Variants in DLGAP2 observed in about 807,000 individuals in gnomAD.
The protein encoded by DLGAP2 is DLG associated protein 2, also known as disks large-associated protein 2.
A neutral mutation model predicts 100.3 loss-of-function variants in DLGAP2; 26 were observed. That is an observed-to-expected ratio of 0.26 (90% CI 0.19 to 0.36). The LOEUF is 0.36. DLGAP2 is among the 10% of genes least tolerant of loss of function. The pLI is 1.00. For missense variants in DLGAP2, 1,858 were observed against 1,453.2 expected (o/e 1.28, Z -4.53); for synonymous variants, 886 against 630.1 (o/e 1.41, Z -6.08).
At chr8:1,093,569 A>G (rs1804259647) in intron 2 of DLGAP2, among the ~76,000 whole-genome samples, 1 of 151,946 alleles carries the variant, frequency 6.6e-6, no homozygotes, top group African/African-American at 2.4e-5. Flanking sequence ...CCTCACACCG[A>G]CAGCCAGACA....
intron 11 of DLGAP2, among the ~76,000 whole-genome samples, chr8:1,677,188 T>G (rs1429082343): frequency 6.6e-6 from 1 of 152,240 alleles, no homozygotes; most frequent in African/African-American, 2.4e-5. Context: ...TCAGCCAATG[T>G]GTGACAGGGA....
intron 2 of DLGAP2, among the ~76,000 whole-genome samples, chr8:1,153,664 A>G (rs115364545): frequency 1.6e-3 from 240 of 152,374 alleles, no homozygotes; most frequent in African/African-American, 5.3e-3. Flanking sequence ...TGTGAGTCTA[A>G]TGAGAACTAA....
chr8:1,259,303 T>C (rs915321027), intron 3 of DLGAP2, among the ~76,000 whole-genome samples: 3 of 152,190 alleles, frequency 2.0e-5, no homozygotes, highest in Non-Finnish European at 4.4e-5. Flanking sequence ...GTGGGGCCTT[T>C]GCTGGCTGTG....
intron 3 of DLGAP2, among the ~76,000 whole-genome samples, chr8:1,366,562 G>A (rs1400682131): frequency 6.6e-6 from 1 of 152,216 alleles, no homozygotes; most frequent in Non-Finnish European, 1.5e-5. Context: ...GAGGTGTGAG[G>A]GGAGGGATGG....
At position 1,066,427 on chromosome 8, in the gene DLGAP2, G is replaced by C. The variant is rs187556140; in HGVS notation, c.73+158461G>C. ...ACAGTTCCCCACCACGGTCAGGTCT[G>C]AGTGAGGGCAGCTCCCCACCTTGGG... On this transcript the variant is annotated intron_variant, in intron 2 of 14. Coordinates refer to ENST00000637795, the MANE Select transcript of DLGAP2 (RefSeq NM_001346810.2). 8.6e-5 allele frequency among the ~76,000 whole-genome samples: 13 copies of C among 150,484 alleles called. 2 individuals are homozygous for C. The East Asian group carries it at 2.6e-3, about 30-fold the overall frequency.
At chr8:1,117,326 A>T (rs1005595460) in intron 2 of DLGAP2, among the ~76,000 whole-genome samples, 2 of 152,198 alleles carry the variant, frequency 1.3e-5, no homozygotes, top group Non-Finnish European at 2.9e-5. Context: ...CACACTGGGG[A>T]CGCCACGCTG....
intron 2 of DLGAP2, among the ~76,000 whole-genome samples, chr8:1,252,706 G>GGGCAGT (rs1563041361): frequency 6.6e-6 from 1 of 152,272 alleles, no homozygotes; most frequent in Non-Finnish European, 1.5e-5. Flanking sequence ...TGTCATGGCT[G>GGGCAGT]GGCAGTGGCC....
chr8:1,579,830 G>A (rs574224666), intron 6 of DLGAP2, among the ~76,000 whole-genome samples: 36 of 152,290 alleles, frequency 2.4e-4, no homozygotes, highest in East Asian at 7.7e-4. Context: ...CATCGTGGGC[G>A]TTGGTTTGGG....
intron 2 of DLGAP2, among the ~76,000 whole-genome samples, chr8:1,099,434 G>T (rs567127946): frequency 1.3e-5 from 2 of 152,276 alleles, no homozygotes; most frequent in East Asian, 1.9e-4. Context: ...TCTGGGATGC[G>T]CCAGGGCCGT....
At chr8:1,511,956 C>G (rs1584971090) in intron 4 of DLGAP2, among the ~76,000 whole-genome samples, 3 of 152,370 alleles carry the variant, frequency 2.0e-5, no homozygotes, top group African/African-American at 7.2e-5. Flanking sequence ...TGTGCACTTT[C>G]TACCACCACT....
At chr8:1,585,404 C>T (rs916975767) in intron 6 of DLGAP2, among the ~76,000 whole-genome samples, 1 of 152,132 alleles carries the variant, frequency 6.6e-6, no homozygotes, top group East Asian at 1.9e-4. Context: ...GCGGAGGTTG[C>T]AGTGAGCTGA....
chr8:899,427 C>A (rs1197003075), intron 1 of DLGAP2, among the ~76,000 whole-genome samples: 3 of 152,212 alleles, frequency 2.0e-5, no homozygotes, highest in Non-Finnish European at 4.4e-5. Context: ...CTGGCAAGAC[C>A]CAGGATACCG....
At chr8:1,258,604 A>T (rs1465612562) in intron 2 of DLGAP2, among the ~76,000 whole-genome samples, 1 of 151,400 alleles carries the variant, frequency 6.6e-6, no homozygotes, top group Non-Finnish European at 1.5e-5. Flanking sequence ...AATTAAAAAA[A>T]ATTTTTTTTA....
chr8:865,084 C>A (rs952543779), intron 1 of DLGAP2, among the ~76,000 whole-genome samples: 1 of 152,194 alleles, frequency 6.6e-6, no homozygotes, highest in Non-Finnish European at 1.5e-5. Flanking sequence ...GCTATGCGGT[C>A]TCATGGCCGC....
intron 1 of DLGAP2, among the ~76,000 whole-genome samples, chr8:788,566 T>C (rs1821941858): frequency 1.3e-5 from 2 of 152,222 alleles, no homozygotes; most frequent in Admixed American, 6.5e-5. Context: ...CATTTACAAA[T>C]AACCTACACC....
intron 2 of DLGAP2, among the ~76,000 whole-genome samples, chr8:969,855 A>G (rs774278227): frequency 1.3e-5 from 2 of 152,204 alleles, no homozygotes; most frequent in Non-Finnish European, 2.9e-5. Context: ...GGAATATGTT[A>G]TTAGTACAGA....
chr8:1,557,233 A>C (rs1801996090), intron 5 of DLGAP2, among the ~76,000 whole-genome samples: 1 of 152,144 alleles, frequency 6.6e-6, no homozygotes, highest in Non-Finnish European at 1.5e-5. Context: ...AAAGAGCGTG[A>C]GCTTTAGAAC....
At position 1,501,399 on chromosome 8, in the gene DLGAP2, T is replaced by G; in HGVS notation, c.140T>G (p.Ile47Ser). The G allele has an allele frequency of 6.5e-7, 1 of 1,535,802 alleles. No individual in the cohort carries two copies. Among genetic ancestry groups the G allele is most frequent in the Non-Finnish European group, 8.7e-7 (1 of 1,146,726 alleles). The change falls in exon 4 of 15, where the codon ATC (isoleucine) becomes AGC (serine). Residue 47 changes from isoleucine (I) to serine (S), a missense_variant. By Grantham distance (142) the Ile-to-Ser change is moderately radical (BLOSUM62 -2). Coordinates refer to ENST00000637795, the MANE Select transcript of DLGAP2 (RefSeq NM_001346810.2). ...GCTGGAGACTTGGTCCAGCCGGGCATCAGCTTTCCGGGGCCGGCAGAGGAG... is the reference window on the plus strand; with the variant it reads ...GCTGGAGACTTGGTCCAGCCGGGCAGCAGCTTTCCGGGGCCGGCAGAGGAG... ...EEAGDLVQPGISFPGPAEEDL... is the reference protein window; with the variant it reads ...EEAGDLVQPGSSFPGPAEEDL...
chr8:1,499,459 T>C (rs769828934), intron 3 of DLGAP2, among the ~76,000 whole-genome samples: 5 of 152,240 alleles, frequency 3.3e-5, no homozygotes, highest in South Asian at 2.1e-4. Flanking sequence ...CTCACACATA[T>C]GACGATGGTC....
Sources: gnomAD v4.1 joint callset for allele counts (sites outside exome capture counted in the v4.1 genomes callset) on GRCh38, gnomAD v4.1.1 for gene constraint, MANE v1.5 for transcripts, NCBI Gene and HGNC (gene_info 2026-07-23, HGNC 2026-07-21) for gene names.